PKHD1L1: variants seen among roughly 807,000 people sequenced by gnomAD.
PKHD1L1 encodes the protein fibrocystin-L.
PKHD1L1 carries 434 observed loss-of-function variants against 462.9 expected under a neutral mutation model. The ratio of observed to expected loss-of-function variants is 0.94; its 90% CI spans 0.87 to 1.02. The LOEUF (loss-of-function observed/expected upper bound fraction) is 1.02. Among genes scored for constraint, PKHD1L1 ranks in the 50% least tolerant of loss-of-function variants. The pLI, the probability that PKHD1L1 is intolerant of heterozygous loss-of-function variation, is 0.00. For synonymous variants in PKHD1L1, 1,781 were observed against 1,750.0 expected, an observed-to-expected ratio of 1.02 and a Z score of -0.44; for missense variants, 5,202 against 5,096.1, an observed-to-expected ratio of 1.02 and a Z score of -0.63.
chr8:109,384,489 G>C (rs1812331037), intron 5 of PKHD1L1, among the ~76,000 whole-genome samples: 1 of 151,920 alleles, frequency 6.6e-6, no homozygotes, highest in Non-Finnish European at 1.5e-5. Context: ...GCTGCAGTGA[G>C]ACATGATTGA....
chr8:109,419,058 C>T (rs1417020724), intron 21 of PKHD1L1, 39 bp from the exon 22 acceptor site: 2 of 1,537,134 alleles, frequency 1.3e-6, no homozygotes, highest in Admixed American at 1.7e-5. Context: ...TTAAACATTA[C>T]CACTGATCTA....
At chr8:109,494,599 A>C (rs1420506454) in intron 63 of PKHD1L1, among the ~76,000 whole-genome samples, 1 of 152,012 alleles carries the variant, frequency 6.6e-6, no homozygotes, top group Non-Finnish European at 1.5e-5. Context: ...AATCTCTAGA[A>C]TATTCTTAAG....
At chr8:109,421,019 G>A (rs1814436723) in intron 23 of PKHD1L1, among the ~76,000 whole-genome samples, 1 of 151,810 alleles carries the variant, frequency 6.6e-6, no homozygotes, top group Non-Finnish European at 1.5e-5. Context: ...TTGAGATTCT[G>A]CATTATGCTT....
rs193102475 is a variant in PKHD1L1, at chr8:109,428,251, T to C, written c.3001-1089T>C. On this transcript the variant is annotated intron_variant, in intron 25 of 77. Transcript: ENST00000378402. ...ATGTGAAATGATATAGGCACAAAGG[T>C]AGTCACTGCAGCATTATTTGTAAAA... Among the ~76,000 whole-genome samples the C allele has an allele frequency of 4.7e-4, 72 of 152,212 alleles. No homozygotes were observed. In the Middle Eastern group the frequency reaches 0.01, roughly 22 times the overall value.
At chr8:109,477,644 T>G (rs1818061069) in intron 53 of PKHD1L1, among the ~76,000 whole-genome samples, 1 of 152,176 alleles carries the variant, frequency 6.6e-6, no homozygotes, top group African/African-American at 2.4e-5. Context: ...ATTTAGATTC[T>G]TAGACCTGGC....
chr8:109,462,217 T>A (rs1817175910), intron 48 of PKHD1L1, among the ~76,000 whole-genome samples: 1 of 152,170 alleles, frequency 6.6e-6, no homozygotes, highest in Non-Finnish European at 1.5e-5. Context: ...CCACCTGGAC[T>A]GCTGTGATTT....
Position 109,515,264 on chromosome 8 carries a change from C to A in PKHD1L1, c.11648C>A (p.Ala3883Asp), listed in dbSNP as rs373805430. Residue 3883 changes from alanine to aspartate, a missense_variant, in exon 72 of 78, where the codon GCC becomes GAC. By Grantham distance (126) the Ala-to-Asp change is moderately radical. Coordinates refer to ENST00000378402, the MANE Select transcript of PKHD1L1 (RefSeq NM_177531.6). The stretch of plus-strand genomic sequence containing the variant: ...TGTCCAAAAACTACAATATGGAATG[C>A]CCAGCAGAAACACTGTGAACTTAAT... ...LVCPKTTIWN[A>D]QQKHCELNNH... The A allele has an allele frequency of 6.2e-7, 1 of 1,602,008 alleles. No homozygotes were observed. Among genetic ancestry groups the A allele is most frequent in the Non-Finnish European group, 8.5e-7 (1 of 1,172,758 alleles).
intron 75 of PKHD1L1, 50 bp from the exon 76 acceptor site, chr8:109,523,183 C>T: frequency 1.4e-6 from 2 of 1,470,490 alleles, no homozygotes; most frequent in East Asian, 4.6e-5. Context: ...TTTTTAAAAG[C>T]ATGGAAACAG....
At chr8:109,426,929 A>T in intron 24 of PKHD1L1, 73 bp from the exon 25 acceptor site, 2 of 847,842 alleles carry the variant, frequency 2.4e-6, no homozygotes, top group South Asian at 2.9e-5. Flanking sequence ...CTAAGATTAC[A>T]GGCGTGAACC....
chr8:109,362,921 T>A (rs1811052000), intron 1 of PKHD1L1, among the ~76,000 whole-genome samples: 1 of 152,108 alleles, frequency 6.6e-6, no homozygotes, highest in South Asian at 2.1e-4. Context: ...ACTTGAATGA[T>A]GAAATCTCCC....
intron 38 of PKHD1L1, among the ~76,000 whole-genome samples, chr8:109,446,930 T>C (rs191149785): frequency 1.3e-5 from 2 of 152,278 alleles, no homozygotes; most frequent in Non-Finnish European, 2.9e-5. Flanking sequence ...GATTGTATCT[T>C]AAAACTATTC....
chr8:109,364,645 GCTT>G lies in PKHD1L1; in HGVS notation c.163+10_163+12del. On this transcript the variant is annotated intron_variant, in intron 2 of 77. Coordinates refer to ENST00000378402, the MANE Select transcript of PKHD1L1 (RefSeq NM_177531.6). ...GACTATAAGAGGGGAAGGTATCGTT[GCTT>G]TTTTTTTTTTTTTTTTGCCAAGGTT... 1.7e-6 allele frequency: 2 copies of G among 1,201,100 alleles called. No homozygotes were observed. The highest frequency in any genetic ancestry group is 1.1e-6 in the Non-Finnish European group (1 of 914,124). 74.4% of individuals were successfully genotyped at this position (1,201,100 alleles called of 1,614,324 possible). A position where few individuals can be genotyped will look rare whatever the true frequency, so the allele number is the denominator to read the frequency against.
At position 109,510,836 on chromosome 8, in the gene PKHD1L1, C is replaced by T. The variant is rs760301058; in HGVS notation, c.11455C>T (p.His3819Tyr). The T allele has an allele frequency of 1.2e-6, 2 of 1,613,342 alleles. No homozygotes were observed. Among genetic ancestry groups the T allele is most frequent in the East Asian group, 4.5e-5 (2 of 44,866 alleles). The change falls in exon 71 of 78, where the codon CAC becomes TAC. Residue 3819 changes from histidine to tyrosine, a missense_variant. Physicochemically the swap from His to Tyr is moderately conservative, Grantham distance 83. Transcript: ENST00000378402. ...ATGCCAGAGAAGGCTGTCCCTGTTT[C>T]ACAGCATTGTGGCTCTGAACAAATC... ...YTCQRRLSLF[H>Y]SIVALNKSYE...
intron 11 of PKHD1L1, 70 bp from the exon 12 acceptor site, chr8:109,398,389 A>T: frequency 1.0e-6 from 1 of 986,938 alleles, no homozygotes; most frequent in Non-Finnish European, 1.6e-6. Flanking sequence ...AAAAGTGCTT[A>T]AAGATACACT....
intron 17 of PKHD1L1, among the ~76,000 whole-genome samples, chr8:109,406,934 A>G (rs1021322240): frequency 6.6e-5 from 10 of 152,128 alleles, no homozygotes; most frequent in Non-Finnish European, 1.5e-4. Flanking sequence ...GTATTAAAAA[A>G]AAAAGGAAAA....
chr8:109,395,041 C>A (rs1812900677), intron 10 of PKHD1L1, among the ~76,000 whole-genome samples: 2 of 152,196 alleles, frequency 1.3e-5, no homozygotes, highest in African/African-American at 4.8e-5. Context: ...ACTGGGGCTG[C>A]AGCTGGCTGT....
intron 27 of PKHD1L1, among the ~76,000 whole-genome samples, chr8:109,432,710 C>A (rs1175610018): frequency 6.6e-6 from 1 of 152,142 alleles, no homozygotes; most frequent in Non-Finnish European, 1.5e-5. Flanking sequence ...AGTGTCCATA[C>A]CACTAATTGC....
intron 2 of PKHD1L1, among the ~76,000 whole-genome samples, chr8:109,372,300 C>T (rs1811553737): frequency 6.6e-6 from 1 of 152,138 alleles, no homozygotes; most frequent in Non-Finnish European, 1.5e-5. Flanking sequence ...ATTTGGCTCT[C>T]TGTTTGTCTG....
chr8:109,407,048 C>A (rs1235358357), intron 17 of PKHD1L1, among the ~76,000 whole-genome samples: 1 of 152,056 alleles, frequency 6.6e-6, no homozygotes, highest in Non-Finnish European at 1.5e-5. Context: ...ACACAAAACA[C>A]TTTTGGAAAT....
Sources: gnomAD v4.1 joint callset for allele counts (sites outside exome capture counted in the v4.1 genomes callset) on GRCh38, gnomAD v4.1.1 for gene constraint, MANE v1.5 for transcripts, NCBI Gene and HGNC (gene_info 2026-07-23, HGNC 2026-07-21) for gene names.